Variants in CAPRIN1 observed in about 807,000 individuals in gnomAD.
CAPRIN1 encodes caprin-1.
A neutral mutation model predicts 100.9 loss-of-function variants in CAPRIN1; 29 were observed. The ratio of observed to expected loss-of-function variants is 0.29; its 90% confidence interval spans 0.21 to 0.39. CAPRIN1 has a LOEUF of 0.39. CAPRIN1 is among the 10% of genes least tolerant of loss of function. CAPRIN1 has a pLI of 1.00. For synonymous variants in CAPRIN1, 338 were observed against 307.5 expected, an observed-to-expected ratio of 1.10 and a Z score of -1.04; for missense variants, 795 against 876.7, an observed-to-expected ratio of 0.91 and a Z score of 1.18.
chr11:34,060,167 G>T (rs1233288428), intron 2 of CAPRIN1, among the ~76,000 whole-genome samples: 1 of 131,124 alleles, frequency 7.6e-6, no homozygotes, highest in Non-Finnish European at 1.5e-5. Context: ...CTGTTCTTTA[G>T]CCTGGGCAAC....
chr11:34,090,711 A>G (rs2134131234), intron 14 of CAPRIN1, 33 bp downstream of exon 14: 1 of 1,586,906 alleles, frequency 6.3e-7, no homozygotes. Flanking sequence ...ATTGCCTAGT[A>G]TGTAATATGA....
chr11:34,065,695 T>C (rs1850675040), intron 2 of CAPRIN1, among the ~76,000 whole-genome samples: 1 of 152,220 alleles, frequency 6.6e-6, no homozygotes, highest in Non-Finnish European at 1.5e-5. Flanking sequence ...AGCTGAGAGA[T>C]CAGGAAATCC....
chr11:34,088,151 C>T lies in CAPRIN1; in HGVS notation c.1232-1244C>T, dbSNP rs140268344. On this transcript the variant is annotated intron_variant, in intron 11 of 18. Transcript: ENST00000341394. Reference sequence around the variant, plus strand: ...CCCAGTAGCTGAAAGTACAGGCACACACCACACTACACCCAGCTAATTTTT... The same window carrying T: ...CCCAGTAGCTGAAAGTACAGGCACATACCACACTACACCCAGCTAATTTTT... Among the ~76,000 whole-genome samples, 1,080 of 152,194 alleles carry T rather than the reference C, an allele frequency of 7.1e-3. 4 individuals carry two copies. Among genetic ancestry groups the T allele is most frequent in the Middle Eastern group, 0.027 (8 of 294 alleles).
chr11:34,056,312 A>G (rs1850450323), intron 2 of CAPRIN1, among the ~76,000 whole-genome samples: 4 of 152,180 alleles, frequency 2.6e-5, no homozygotes, highest in Admixed American at 2.6e-4. Flanking sequence ...TAAAACAGAG[A>G]ATTGAAATAA....
At chr11:34,080,589 A>G (rs1851008210) in intron 7 of CAPRIN1, among the ~76,000 whole-genome samples, 1 of 152,248 alleles carries the variant, frequency 6.6e-6, no homozygotes, top group Non-Finnish European at 1.5e-5. Flanking sequence ...CACTAATTAT[A>G]TAGCTAGACA....
chr11:34,082,686 A>G, intron 7 of CAPRIN1, 139 bp from the exon 8 acceptor site: 1 of 646,936 alleles, frequency 1.5e-6, no homozygotes, highest in South Asian at 1.9e-5. Flanking sequence ...TAGTTTACAT[A>G]TGGGTTTACT....
At chr11:34,082,725 A>G in intron 7 of CAPRIN1, 100 bp from the exon 8 acceptor site, 1 of 803,866 alleles carries the variant, frequency 1.2e-6, no homozygotes, top group Admixed American at 2.2e-5. Flanking sequence ...CTGGGTTTGG[A>G]CAAATGCATA....
At chr11:34,084,371 T>C (rs772430369) in intron 9 of CAPRIN1, among the ~76,000 whole-genome samples, 1 of 152,222 alleles carries the variant, frequency 6.6e-6, no homozygotes, top group Non-Finnish European at 1.5e-5. Context: ...ATGAAAATAC[T>C]GCTCAGGAAG....
chr11:34,059,803 A>G (rs1850537004), intron 2 of CAPRIN1, among the ~76,000 whole-genome samples: 1 of 151,774 alleles, frequency 6.6e-6, no homozygotes, highest in African/African-American at 2.4e-5. Flanking sequence ...TTTTTTATTG[A>G]AATTGATTTT....
At chr11:34,098,036 A>C (rs185189026) in intron 18 of CAPRIN1, 1 of 1,131,230 alleles carries the variant, frequency 8.8e-7, no homozygotes, top group East Asian at 4.6e-5. Flanking sequence ...ATTATTTTTC[A>C]GGTCCTAAAA....
Position 34,086,307 on chromosome 11 carries a change from T to G in CAPRIN1, c.1125T>G (p.Asp375Glu). 1 of 1,612,894 alleles carries G rather than the reference T, an allele frequency of 6.2e-7. No homozygotes were observed. Reference sequence around the variant, plus strand: ...TTCTATCCTAACTTAACCTGTAGGATTCAATGCTGGATTTTGAAAATCAGA... The same window carrying G: ...TTCTATCCTAACTTAACCTGTAGGAGTCAATGCTGGATTTTGAAAATCAGA... ...QMQGPYNFIQ[D>E]SMLDFENQTL... Residue 375 changes from aspartate (D) to glutamate (E), a missense_variant and splice_region_variant, in exon 11 of 19, where the codon GAT becomes GAG. By Grantham distance (45) the Asp-to-Glu change is conservative. Transcript: ENST00000341394.
chr11:34,075,035 TA>T (rs1343646537), intron 4 of CAPRIN1, among the ~76,000 whole-genome samples: 1 of 152,060 alleles, frequency 6.6e-6, no homozygotes, highest in Non-Finnish European at 1.5e-5. Flanking sequence ...TTTTTTAAAT[TA>T]TTTTTTTAAA....
chr11:34,077,502 T>C (rs1850931103), intron 6 of CAPRIN1, among the ~76,000 whole-genome samples: 2 of 152,228 alleles, frequency 1.3e-5, no homozygotes, highest in Admixed American at 6.5e-5. Flanking sequence ...CATGCAACTG[T>C]GAACTGATTT....
rs1461477492 is a variant in CAPRIN1, at chr11:34,101,453, CTG to C, written c.*2087_*2088del. On this transcript the variant is annotated 3_prime_UTR_variant, in exon 19 of 19. Transcript: ENST00000341394. ...AAGTAAGTTCTTCACACAGTGACCT[CTG>C]AATCAGTTTCAGAGAAGGGATGGGG... Among the ~76,000 whole-genome samples, 1 of 152,188 alleles carries C rather than the reference CTG, an allele frequency of 6.6e-6. No homozygotes were observed. The highest frequency in any genetic ancestry group is 1.5e-5 in the Non-Finnish European group (1 of 68,026).
rs993439455 is a variant in CAPRIN1 at position 34,052,558 on chromosome 11, C to T, written c.138C>T (p.Thr46=). The T allele has an allele frequency of 3.1e-6, 5 of 1,609,612 alleles. No individual in the cohort carries two copies. Among genetic ancestry groups the T allele is most frequent in the African/African-American group, 1.3e-5 (1 of 74,816 alleles). ...APASQHPATG[T]GAVQTEAMKQ... ...CTTCTCAGCACCCCGCAACCGGCAC[C>T]GGCGCTGTCCAGACCGAGGCCATGA... Residue 46 remains threonine (T), a synonymous_variant, in exon 2 of 19, where the codon ACC becomes ACT. Transcript: ENST00000341394.
intron 2 of CAPRIN1, among the ~76,000 whole-genome samples, chr11:34,061,443 G>C (rs1237801004): frequency 1.3e-5 from 2 of 151,790 alleles, no homozygotes; most frequent in Non-Finnish European, 2.9e-5. Flanking sequence ...CCTGACCTCA[G>C]GAGATTCGTC....
chr11:34,076,582 G>A lies in CAPRIN1; in HGVS notation c.628G>A (p.Ala210Thr), dbSNP rs566457539. ...AAGGTTGAATGAACAGTATGAACAT[G>A]CCTCCATTCACCTGTGGGACCTGCT... ...SLRLNEQYEH[A>T]SIHLWDLLEG... The change falls in exon 6 of 19, where the codon GCC becomes ACC. Residue 210 changes from alanine (A) to threonine (T), a missense_variant. Around this residue, in one of 3 missense-constraint regions of CAPRIN1, gnomAD observed 648 missense variants for 697.9 expected, o/e 0.93. Transcript: ENST00000341394. 5 of 1,613,834 alleles carry A rather than the reference G, an allele frequency of 3.1e-6. No homozygotes were observed. Among genetic ancestry groups the A allele is most frequent in the South Asian group, 2.2e-5 (2 of 91,080 alleles).
At chr11:34,057,599 A>G (rs994062361) in intron 2 of CAPRIN1, among the ~76,000 whole-genome samples, 4 of 152,212 alleles carry the variant, frequency 2.6e-5, no homozygotes, top group Admixed American at 2.6e-4. Context: ...AGAAAAACTA[A>G]CACTTTTCCT....
chr11:34,076,548 T>C lies in CAPRIN1; in HGVS notation c.606-12T>C, dbSNP rs1468604934. The C allele has an allele frequency of 1.1e-5, 17 of 1,611,190 alleles. No homozygotes were observed. Among genetic ancestry groups the C allele is most frequent in the Non-Finnish European group, 1.2e-5 (14 of 1,177,526 alleles). On this transcript the variant is annotated splice_polypyrimidine_tract_variant and intron_variant, in intron 5 of 18. Transcript: ENST00000341394. ...ACTGAAAGGTTATTAATTAGCTATT[T>C]ACTATTAAAAGGTTGAATGAACAGT...
Sources: allele counts gnomAD v4.1 joint callset (sites outside exome capture counted in the v4.1 genomes callset), GRCh38; gene constraint gnomAD v4.1.1; regional missense constraint gnomAD v4.1.1; transcripts MANE v1.5; gene names NCBI Gene and HGNC (gene_info 2026-07-23, HGNC 2026-07-21).